The following ZFYVE9 variants were observed in gnomAD, a reference collection of about 807,000 sequenced individuals.
The protein encoded by ZFYVE9 is zinc finger FYVE-type containing 9.
ZFYVE9 carries 43 observed loss-of-function variants against 126.7 expected under a neutral mutation model. The observed-to-expected ratio is 0.34, with a 90% CI of 0.27 to 0.44. The LOEUF is 0.44. Ranked by LOEUF, ZFYVE9 falls within the 20% of genes least tolerant of loss-of-function variation. The probability of loss-of-function intolerance (pLI) is 1.00; values close to 1 mark genes in which losing one functional copy is unlikely to be tolerated. For missense variants in ZFYVE9, 1,476 were observed against 1,697.0 expected (o/e 0.87, Z 2.29); for synonymous variants, 521 against 597.4 (o/e 0.87, Z 1.87).
intron 1 of ZFYVE9, among the ~76,000 whole-genome samples, chr1:52,203,938 T>G (rs1644949493): frequency 6.6e-6 from 1 of 152,134 alleles, no homozygotes; most frequent in African/African-American, 2.4e-5. Context: ...TTCTATACTT[T>G]CATTGCCCAT....
chr1:52,199,934 A>G (rs999417536), intron 1 of ZFYVE9, among the ~76,000 whole-genome samples: 1 of 151,878 alleles, frequency 6.6e-6, no homozygotes, highest in Non-Finnish European at 1.5e-5. Flanking sequence ...ATAACAAATA[A>G]TGTGGAGTAT....
rs140384851 is a variant in ZFYVE9, at chr1:52,238,475, A to G, written c.1058A>G (p.Asn353Ser). The change falls in exon 4 of 19, where the codon AAT (asparagine) becomes AGT (serine). Residue 353 changes from asparagine to serine, a missense_variant. Around this residue, in one of 2 missense-constraint regions of ZFYVE9, gnomAD observed 807 missense variants for 794.6 expected, o/e 1.02. Coordinates refer to ENST00000287727, the MANE Select transcript of ZFYVE9 (RefSeq NM_004799.4). ...PDMPNGSGRN[N>S]DCERCSDCLV... ...ATGCCTAATGGGTCTGGAAGGAATA[A>G]TGACTGTGAACGGTGTTCAGATTGC... 1.9e-5 allele frequency: 31 copies of G among 1,614,004 alleles called. No individual in the cohort carries two copies. Among genetic ancestry groups the G allele is most frequent in the Non-Finnish European group, 2.6e-5 (31 of 1,179,990 alleles).
intron 4 of ZFYVE9, among the ~76,000 whole-genome samples, chr1:52,251,165 G>A (rs1007085570): frequency 1.3e-5 from 2 of 152,042 alleles, no homozygotes; most frequent in Admixed American, 6.6e-5. Context: ...TCTGCCTCTC[G>A]GGTTCAAGCA....
chr1:52,333,045 C>A, intron 14 of ZFYVE9, 127 bp downstream of exon 14: 2 of 1,240,660 alleles, frequency 1.6e-6, no homozygotes, highest in Non-Finnish European at 2.2e-6. Flanking sequence ...TTAACCTTTC[C>A]AACCATATTC....
chr1:52,197,329 A>G (rs1644869651), intron 1 of ZFYVE9, among the ~76,000 whole-genome samples: 1 of 152,150 alleles, frequency 6.6e-6, no homozygotes, highest in Non-Finnish European at 1.5e-5. Context: ...TTAGTATGAA[A>G]ATAGATGTAT....
chr1:52,313,967 C>T (rs929956608), intron 13 of ZFYVE9, among the ~76,000 whole-genome samples: 32 of 152,024 alleles, frequency 2.1e-4, no homozygotes, highest in Admixed American at 1.7e-3. Context: ...AGCACGTCAT[C>T]GAGTTGTGGA....
intron 10 of ZFYVE9, among the ~76,000 whole-genome samples, chr1:52,284,952 C>T (rs1003966640): frequency 3.3e-5 from 5 of 152,060 alleles, no homozygotes; most frequent in East Asian, 1.9e-4. Flanking sequence ...ATAAGTGAGA[C>T]GAAAGAGTTT....
chr1:52,274,312 T>A lies in ZFYVE9; in HGVS notation c.2626-152T>A, dbSNP rs1645723668. 13 of 953,110 alleles carry A rather than the reference T, an allele frequency of 1.4e-5. No individual in the cohort carries two copies. The South Asian group carries it at 2.9e-4, about 21-fold the overall frequency. 59.0% of individuals were successfully genotyped at this position (953,110 alleles called of 1,614,324 possible). On this transcript the variant is annotated intron_variant, in intron 7 of 18. Coordinates refer to ENST00000287727, the MANE Select transcript of ZFYVE9 (RefSeq NM_004799.4). ...TAAGCCTGATTTGTTTTTTTGTTTT[T>A]TTTAATCCATGGGTTAATGAATATT...
At chr1:52,331,471 G>A (rs985043649) in intron 13 of ZFYVE9, among the ~76,000 whole-genome samples, 5 of 150,436 alleles carry the variant, frequency 3.3e-5, no homozygotes, top group African/African-American at 4.9e-5. Flanking sequence ...AAAAAGTGTC[G>A]GCCGGGTGCA....
intron 13 of ZFYVE9, among the ~76,000 whole-genome samples, chr1:52,321,647 T>C (rs373610144): frequency 6.6e-6 from 1 of 152,260 alleles, no homozygotes; most frequent in East Asian, 1.9e-4. Flanking sequence ...TCTACTACAC[T>C]GGACTTCTAG....
At position 52,275,217 on chromosome 1, in the gene ZFYVE9, C is replaced by T. The variant is rs148192328; in HGVS notation, c.2746+633C>T. On this transcript the variant is annotated intron_variant, in intron 8 of 18. Coordinates refer to ENST00000287727, the MANE Select transcript of ZFYVE9 (RefSeq NM_004799.4). ...TCACCCAGGTAGTGAGCATAGTACCCAATGGGTAATTTTTTTTTGTTTTTG... is the reference window on the plus strand; with the variant it reads ...TCACCCAGGTAGTGAGCATAGTACCTAATGGGTAATTTTTTTTTGTTTTTG... Among the ~76,000 whole-genome samples, 735 of 152,208 alleles carry T rather than the reference C, an allele frequency of 4.8e-3. 3 individuals carry two copies. Among genetic ancestry groups the T allele is most frequent in the Non-Finnish European group, 7.9e-3 (539 of 68,000 alleles).
intron 13 of ZFYVE9, among the ~76,000 whole-genome samples, chr1:52,315,286 G>A (rs997058740): frequency 5.3e-5 from 8 of 151,986 alleles, no homozygotes; most frequent in African/African-American, 2.4e-5. Flanking sequence ...AAATTAGCTG[G>A]GTATGGTGGC....
At chr1:52,315,058 A>G (rs1646171748) in intron 13 of ZFYVE9, among the ~76,000 whole-genome samples, 1 of 152,236 alleles carries the variant, frequency 6.6e-6, no homozygotes, top group South Asian at 2.1e-4. Context: ...GGATCTACAC[A>G]AAGGAATGAA....
intron 13 of ZFYVE9, among the ~76,000 whole-genome samples, chr1:52,306,767 C>T (rs1646089072): frequency 2.0e-5 from 3 of 152,260 alleles, no homozygotes; most frequent in Non-Finnish European, 4.4e-5. Flanking sequence ...GTGGAAGCTG[C>T]TTGCGGTGCA....
At chr1:52,277,966 A>T (rs1003795848) in intron 8 of ZFYVE9, among the ~76,000 whole-genome samples, 4 of 152,188 alleles carry the variant, frequency 2.6e-5, no homozygotes, top group Non-Finnish European at 5.9e-5. Context: ...AGTCACACAC[A>T]ATACTTTTAT....
intron 1 of ZFYVE9, among the ~76,000 whole-genome samples, chr1:52,144,255 G>T (rs990520073): frequency 1.3e-5 from 2 of 152,042 alleles, no homozygotes; most frequent in African/African-American, 4.8e-5. Context: ...GGAGGCAGAC[G>T]TTGCAGTGAG....
At chr1:52,310,926 A>G (rs1358024292) in intron 13 of ZFYVE9, among the ~76,000 whole-genome samples, 2 of 152,180 alleles carry the variant, frequency 1.3e-5, no homozygotes, top group Non-Finnish European at 2.9e-5. Context: ...GCAGGAGTGC[A>G]GTGGTGTAAT....
At chr1:52,203,114 T>A (rs1483388181) in intron 1 of ZFYVE9, among the ~76,000 whole-genome samples, 1 of 152,158 alleles carries the variant, frequency 6.6e-6, no homozygotes, top group Non-Finnish European at 1.5e-5. Flanking sequence ...TTTCTCCTTG[T>A]TTAGGTTTCT....
intron 9 of ZFYVE9, 58 bp from the exon 10 acceptor site, chr1:52,281,598 CTTTTT>C (rs1438365135): frequency 1.0e-5 from 16 of 1,569,724 alleles, no homozygotes; most frequent in Non-Finnish European, 1.2e-5. Flanking sequence ...TTCTGTGCAT[CTTTTT>C]TTAAGAGTAA....
Sources: gnomAD v4.1 joint callset for allele counts (sites outside exome capture counted in the v4.1 genomes callset) on GRCh38, gnomAD v4.1.1 for gene constraint, gnomAD v4.1.1 regional missense constraint, MANE v1.5 for transcripts, NCBI Gene and HGNC (gene_info 2026-07-23, HGNC 2026-07-21) for gene names.